NCAPH: variants seen among roughly 807,000 people sequenced by gnomAD.
The protein encoded by NCAPH is non-SMC condensin I complex subunit H, also known as condensin complex subunit 2.
In NCAPH, 38 loss-of-function variants were observed where a neutral mutation model predicts 85.5. The ratio of observed to expected loss-of-function variants is 0.44; its 90% CI spans 0.34 to 0.58. The LOEUF (loss-of-function observed/expected upper bound fraction) is 0.58, where lower values mean the gene tolerates loss of function less well. NCAPH is among the 20% of genes least tolerant of loss of function. The probability of loss-of-function intolerance (pLI) is 0.01; values close to 1 mark genes in which losing one functional copy is unlikely to be tolerated. For synonymous variants in NCAPH, 301 were observed against 335.1 expected, an observed-to-expected ratio of 0.90 and a Z score of 1.11; for missense variants, 789 against 916.6, an observed-to-expected ratio of 0.86 and a Z score of 1.80.
chr2:96,358,773 A>T (rs1269321251), intron 9 of NCAPH, among the ~76,000 whole-genome samples: 2 of 152,070 alleles, frequency 1.3e-5, no homozygotes, highest in African/African-American at 4.8e-5. Context: ...CAGCCAAAAG[A>T]ATTCTCTTTA....
chr2:96,352,098 G>A, intron 7 of NCAPH, 78 bp downstream of exon 7: 1 of 1,349,706 alleles, frequency 7.4e-7, no homozygotes, highest in Non-Finnish European at 1.0e-6. Flanking sequence ...GGTACAATAA[G>A]CCCATCATGC....
At chr2:96,349,699 G>A (rs566715392) in intron 6 of NCAPH, among the ~76,000 whole-genome samples, 1 of 152,318 alleles carries the variant, frequency 6.6e-6, no homozygotes, top group East Asian at 1.9e-4. Context: ...GAAAGCAAAT[G>A]TGTGGGTGTG....
chr2:96,348,759 G>A (rs896850636), intron 6 of NCAPH, among the ~76,000 whole-genome samples: 1 of 151,404 alleles, frequency 6.6e-6, no homozygotes, highest in African/African-American at 2.4e-5. Flanking sequence ...CGGTTCAAAC[G>A]ATTCTCGTGC....
chr2:96,354,844 C>T (rs1016142567), intron 9 of NCAPH, among the ~76,000 whole-genome samples: 6 of 152,192 alleles, frequency 3.9e-5, no homozygotes, highest in Non-Finnish European at 2.9e-5. Flanking sequence ...GCGTTTGGAA[C>T]AAAGCACCTG....
At chr2:96,341,569 T>A (rs554407665) in intron 1 of NCAPH, 73 bp from the exon 2 acceptor site, 5 of 1,539,300 alleles carry the variant, frequency 3.2e-6, no homozygotes, top group Non-Finnish European at 4.4e-6. Context: ...TCCACCCCTG[T>A]GACAGGCTCA....
intron 14 of NCAPH, 52 bp from the exon 15 acceptor site, chr2:96,367,205 G>C: frequency 7.5e-7 from 1 of 1,334,794 alleles, no homozygotes; most frequent in Non-Finnish European, 1.1e-6. Flanking sequence ...GTGAATTATG[G>C]TAAAAGTTTC....
At chr2:96,338,241 GAAAAAAA>G (rs34560390) in intron 1 of NCAPH, among the ~76,000 whole-genome samples, 108 of 80,828 alleles carry the variant, frequency 1.3e-3, no homozygotes, top group African/African-American at 3.1e-3. Flanking sequence ...CTATTTTATT[GAAAAAAA>G]AAAAAAAAAA....
In NCAPH at chr2:96,375,258, T is replaced by G. The variant is rs2064819910; in HGVS notation, c.*1907T>G. On this transcript the variant is annotated 3_prime_UTR_variant, in exon 18 of 18. Coordinates refer to ENST00000240423, the MANE Select transcript of NCAPH (RefSeq NM_015341.5). ...TTCAATACCAACTTCTACAATGAAA[T>G]CCCCTTCCCCCCACAACCCTGCTTC... is the stretch of plus-strand genomic sequence containing the variant. Among the ~76,000 whole-genome samples, 1 of 151,856 alleles carries G rather than the reference T, an allele frequency of 6.6e-6. No homozygotes were observed. Among genetic ancestry groups the G allele is most frequent in the Admixed American group, 6.6e-5 (1 of 15,222 alleles).
At position 96,374,673 on chromosome 2, in the gene NCAPH, A is replaced by G. The variant is rs2064813259; in HGVS notation, c.*1322A>G. 6.6e-6 allele frequency among the ~76,000 whole-genome samples: 1 copy of G among 152,214 alleles called. No homozygotes were observed. On this transcript the variant is annotated 3_prime_UTR_variant, in exon 18 of 18. Coordinates refer to ENST00000240423, the MANE Select transcript of NCAPH (RefSeq NM_015341.5). ...TCCAAAACATTACCTGCTCTGTTAT[A>G]TTGAGAAGGTTAGAGACTTCAGAGC... is the stretch of plus-strand genomic sequence containing the variant.
At chr2:96,372,983 C>T (rs983551966) in intron 17 of NCAPH, among the ~76,000 whole-genome samples, 9 of 152,132 alleles carry the variant, frequency 5.9e-5, no homozygotes, top group African/African-American at 1.4e-4. Context: ...CTCCTCATGA[C>T]CTCCCATCTG....
intron 9 of NCAPH, among the ~76,000 whole-genome samples, chr2:96,358,435 C>T (rs531051173): frequency 7.2e-5 from 11 of 152,110 alleles, no homozygotes; most frequent in East Asian, 1.9e-4. Context: ...CTCCCAGCTC[C>T]GGCATTTTAC....
Position 96,354,172 on chromosome 2 carries a change from T to G in NCAPH, c.1003-11T>G, listed in dbSNP as rs1456584763. On this transcript the variant is annotated splice_polypyrimidine_tract_variant and intron_variant, in intron 8 of 17. Coordinates refer to ENST00000240423, the MANE Select transcript of NCAPH (RefSeq NM_015341.5). ...GAATGAGAATTACAGAACCCTCTTT[T>G]GTCCCTCCAGTCTGTGTCGGCCCTG... The G allele has an allele frequency of 6.2e-7, 1 of 1,612,026 alleles. No individual in the cohort carries two copies. The highest frequency in any genetic ancestry group is 2.2e-5 in the East Asian group (1 of 44,726).
chr2:96,344,019 G>T, intron 5 of NCAPH, 86 bp from the exon 6 acceptor site: 7 of 1,509,200 alleles, frequency 4.6e-6, no homozygotes, highest in Non-Finnish European at 6.2e-6. Flanking sequence ...TTTAAATTAC[G>T]ACAGGTTTTG....
chr2:96,339,227 G>GT (rs951453304), intron 1 of NCAPH, among the ~76,000 whole-genome samples: 5 of 152,038 alleles, frequency 3.3e-5, no homozygotes, highest in African/African-American at 4.8e-5. Flanking sequence ...TGTTTGTTTT[G>GT]TTTTTTTGTC....
At chr2:96,360,079 T>C in intron 10 of NCAPH, 64 bp from the exon 11 acceptor site, 4 of 938,974 alleles carry the variant, frequency 4.3e-6, no homozygotes, top group South Asian at 2.8e-5. Flanking sequence ...CAGCAGATCT[T>C]GTGAAATGAG....
At chr2:96,368,556 C>T (rs1257400435) in intron 15 of NCAPH, among the ~76,000 whole-genome samples, 4 of 152,148 alleles carry the variant, frequency 2.6e-5, no homozygotes, top group African/African-American at 7.2e-5. Flanking sequence ...ACTCGGGAGG[C>T]TGAGGCAGGA....
intron 9 of NCAPH, 132 bp downstream of exon 9, chr2:96,354,520 C>A: frequency 1.3e-6 from 1 of 749,830 alleles, no homozygotes; most frequent in Non-Finnish European, 2.0e-6. Context: ...ACGGGCATCT[C>A]ACTGCATTGC....
intron 1 of NCAPH, 65 bp downstream of exon 1, chr2:96,335,913 A>AGGGCTGGC (rs1009717603): frequency 1.2e-5 from 16 of 1,364,842 alleles, no homozygotes; most frequent in Middle Eastern, 2.5e-4. Flanking sequence ...TCGGGCGGGC[A>AGGGCTGGC]GGGCTGGCGG....
At chr2:96,341,347 A>C (rs1447440272) in intron 1 of NCAPH, 5 of 322,354 alleles carry the variant, frequency 1.6e-5, no homozygotes, top group Non-Finnish European at 2.9e-5. Context: ...TTGTGAGCTT[A>C]TCAGAGGCAG....
Sources: gnomAD v4.1 joint callset for allele counts (sites outside exome capture counted in the v4.1 genomes callset) on GRCh38, gnomAD v4.1.1 for gene constraint, MANE v1.5 for transcripts, NCBI Gene and HGNC (gene_info 2026-07-23, HGNC 2026-07-21) for gene names.